The following HNRNPDL variants were observed in gnomAD, a reference collection of about 807,000 sequenced individuals.
HNRNPDL encodes heterogeneous nuclear ribonucleoprotein D-like.
Under a neutral mutation model 48.0 loss-of-function variants are expected in HNRNPDL, and 18 were observed. That is an observed-to-expected ratio of 0.38 (90% CI 0.26 to 0.56). The LOEUF (loss-of-function observed/expected upper bound fraction) is 0.56. Ranked by LOEUF, HNRNPDL falls within the 20% of genes least tolerant of loss-of-function variation. HNRNPDL has a pLI of 0.77. For missense variants in HNRNPDL, 553 were observed against 540.7 expected (o/e 1.02, Z -0.23); for synonymous variants, 306 against 207.3 (o/e 1.48, Z -4.09).
Position 82,429,743 on chromosome 4 carries a change from G to GAGAAGAGAAGAATC in HNRNPDL, c.-67_-54dup. 1 of 1,272,782 alleles carries GAGAAGAGAAGAATC rather than the reference G, an allele frequency of 7.9e-7. No homozygotes were observed. The highest frequency in any genetic ancestry group is 1.0e-6 in the Non-Finnish European group (1 of 994,870). 78.8% of individuals were successfully genotyped at this position (1,272,782 alleles called of 1,614,324 possible). A position where few individuals can be genotyped will look rare whatever the true frequency, so the allele number is the denominator to read the frequency against. On this transcript the variant is annotated 5_prime_UTR_variant, in exon 1 of 8. Transcript: ENST00000295470. ...CACGCGTGAGGGGACGCGGGCTTGGGAGAAGAGAAGAATCAGAAGAGAAAA... is the reference window on the plus strand; with the variant it reads ...CACGCGTGAGGGGACGCGGGCTTGGGAGAAGAGAAGAATCAGAAGAGAAGAATCAGAAGAGAAAA...
At chr4:82,427,118 C>T in intron 5 of HNRNPDL, 72 bp downstream of exon 5, 4 of 995,542 alleles carry the variant, frequency 4.0e-6, no homozygotes, top group Non-Finnish European at 4.8e-6. Flanking sequence ...TGCTTTGGTA[C>T]AGGACTACTC....
intron 5 of HNRNPDL, 110 bp downstream of exon 5, chr4:82,427,080 C>T (rs952810881): frequency 2.7e-5 from 22 of 807,592 alleles, no homozygotes; most frequent in East Asian, 9.8e-5. Flanking sequence ...GTCCCCCCTC[C>T]GCTGGAATGG....
chr4:82,426,628 C>A lies in HNRNPDL; in HGVS notation c.1027G>T (p.Gly343Cys). 3 of 1,613,440 alleles carry A rather than the reference C, an allele frequency of 1.9e-6. No individual in the cohort carries two copies. Among genetic ancestry groups the A allele is most frequent in the African/African-American group, 1.3e-5 (1 of 74,950 alleles). Residue 343 changes from glycine (G) to cysteine (C), a missense_variant, in exon 6 of 8, where the codon GGC (glycine) becomes TGC (cysteine). Gly to Cys is a radical substitution (Grantham distance 159). Around this residue, in one of 4 missense-constraint regions of HNRNPDL, gnomAD observed 174 missense variants for 204.6 expected, o/e 0.85. Transcript: ENST00000295470. The part of the protein sequence containing the change: ...GGTRGRGRGQ[G>C]QNWNQGFNNY... ...TTAAATCCTTGGTTCCAGTTTTGGC[C>A]CTGACCTGAAACAATGCACAATGAT...
intron 1 of HNRNPDL, 32 bp downstream of exon 1, chr4:82,429,216 G>A (rs866901696): frequency 1.2e-6 from 2 of 1,601,782 alleles, no homozygotes; most frequent in Non-Finnish European, 1.7e-6. Flanking sequence ...GCGCGCTGGG[G>A]GAGGGGGAGC....
chr4:82,425,449 C>T (rs1234320875), intron 7 of HNRNPDL: 1 of 152,534 alleles, frequency 6.6e-6, no homozygotes, highest in Non-Finnish European at 1.5e-5. Context: ...CTGTAAAAAA[C>T]CATTTAAGTT....
rs1426771716 is a variant in HNRNPDL at position 82,424,242 on chromosome 4, C to CA, written c.*663dup. ...ATTAAAGCCAAAGTAATCAGCAATT[C>CA]AAAAATGGCTTTCCAGAGACAGGAA... On this transcript the variant is annotated 3_prime_UTR_variant, in exon 8 of 8. Coordinates refer to ENST00000295470, the MANE Select transcript of HNRNPDL (RefSeq NM_031372.4). 2 of 152,142 alleles carry CA rather than the reference C, an allele frequency of 1.3e-5. No individual in the cohort carries two copies. Among genetic ancestry groups the CA allele is most frequent in the East Asian group, 3.8e-4 (2 of 5,200 alleles). 9.4% of individuals were successfully genotyped at this position (152,142 alleles called of 1,614,324 possible). A position where few individuals can be genotyped will look rare whatever the true frequency, so the allele number is the denominator to read the frequency against.
In HNRNPDL at chr4:82,429,765, A is replaced by G; in HGVS notation, c.-75T>C. 8.6e-7 allele frequency: 1 copy of G among 1,169,224 alleles called. No individual in the cohort carries two copies. The highest frequency in any genetic ancestry group is 3.1e-4 in the Middle Eastern group (1 of 3,268). The allele number at this position is 1,169,224 out of a possible 1,614,324, so 72.4% of individuals were successfully genotyped here. A position where few individuals can be genotyped will look rare whatever the true frequency, so the allele number is the denominator to read the frequency against. ...TGGGAGAAGAGAAGAATCAGAAGAG[A>G]AAAACGAAGGGGCGTAAATTCCTGG... On this transcript the variant is annotated 5_prime_UTR_variant, in exon 1 of 8. Coordinates refer to ENST00000295470, the MANE Select transcript of HNRNPDL (RefSeq NM_031372.4).
chr4:82,428,569 GTTTACA>G (rs1373702504), intron 1 of HNRNPDL, 123 bp from the exon 2 acceptor site: 5 of 757,736 alleles, frequency 6.6e-6, no homozygotes, highest in African/African-American at 1.8e-5. Flanking sequence ...TTTAATTCAT[GTTTACA>G]TTTAATCTAT....
Position 82,429,294 on chromosome 4 carries a change from C to T in HNRNPDL, c.397G>A (p.Ala133Thr), listed in dbSNP as rs1037537699. 10 of 1,613,700 alleles carry T rather than the reference C, an allele frequency of 6.2e-6. No individual in the cohort carries two copies. The Admixed American group carries it at 6.7e-5, about 11-fold the overall frequency. ...CTCGCGTTGATCTTGGATCCCTCTGCGAATTCCTCTATATTGCTGTACTCG... is the reference window on the plus strand; with the variant it reads ...CTCGCGTTGATCTTGGATCCCTCTGTGAATTCCTCTATATTGCTGTACTCG... The part of the protein sequence containing the change: ...MNEYSNIEEF[A>T]EGSKINASKN... The change falls in exon 1 of 8, where the codon GCA becomes ACA. Residue 133 changes from alanine to threonine, a missense_variant. This residue lies in a region of HNRNPDL where 327 missense variants were observed against 203.2 expected (regional missense o/e 1.61). Coordinates refer to ENST00000295470, the MANE Select transcript of HNRNPDL (RefSeq NM_031372.4).
At chr4:82,429,068 G>A (rs538718261) in intron 1 of HNRNPDL, among the ~76,000 whole-genome samples, 180 bp downstream of exon 1, 129 of 151,966 alleles carry the variant, frequency 8.5e-4, no homozygotes, top group Non-Finnish European at 1.5e-3. Context: ...CACTCTTCCC[G>A]GGTCTCTCCA....
Position 82,428,024 on chromosome 4 carries a change from A to G in HNRNPDL, c.768T>C (p.Phe256=). 1 of 1,613,856 alleles carries G rather than the reference A, an allele frequency of 6.2e-7. No homozygotes were observed. Among genetic ancestry groups the G allele is most frequent in the Admixed American group, 1.7e-5 (1 of 59,946 alleles). ...TGTAAACATAATCACACACCTCTCC[A>G]AAGGCTCCAAAATATTCTTTAATTT... ...EEQIKEYFGA[F]GEIENIELPM... The change falls in exon 3 of 8, where the codon TTT becomes TTC. Residue 256 remains phenylalanine, a synonymous_variant. Coordinates refer to ENST00000295470, the MANE Select transcript of HNRNPDL (RefSeq NM_031372.4).
At chr4:82,428,856 T>C (rs1721537506) in intron 1 of HNRNPDL, among the ~76,000 whole-genome samples, 1 of 152,236 alleles carries the variant, frequency 6.6e-6, no homozygotes, top group South Asian at 2.1e-4. Flanking sequence ...ACCAGTCGCC[T>C]GCTTGTGCCC....
rs193014392 is a variant in HNRNPDL, at chr4:82,422,969, C to T, written c.*1937G>A. The T allele has an allele frequency of 2.6e-5, 4 of 152,086 alleles. No homozygotes were observed. Among genetic ancestry groups the T allele is most frequent in the Non-Finnish European group, 5.9e-5 (4 of 67,976 alleles). The allele number at this position is 152,086 out of a possible 1,614,324, so 9.4% of individuals were successfully genotyped here. ...GATCTTGATAGTAGCTTCAGTTCAT[C>T]CAACCTAGGACACTTAGCCTTAGAG... On this transcript the variant is annotated 3_prime_UTR_variant, in exon 8 of 8. Coordinates refer to ENST00000295470, the MANE Select transcript of HNRNPDL (RefSeq NM_031372.4).
Position 82,429,205 on chromosome 4 carries a change from G to C in HNRNPDL, c.443+43C>G, listed in dbSNP as rs553185842. 562 of 1,579,362 alleles carry C rather than the reference G, an allele frequency of 3.6e-4. 13 individuals are homozygous for C. Among genetic ancestry groups the C allele is most frequent in the South Asian group, 3.6e-3 (321 of 90,338 alleles). On this transcript the variant is annotated intron_variant, in intron 1 of 7. Coordinates refer to ENST00000295470, the MANE Select transcript of HNRNPDL (RefSeq NM_031372.4). ...CTCACGAGGAACGAAGGGCGCGTGCGGCGCGCTGGGGGAGGGGGAGCGGGG... is the reference window on the plus strand; with the variant it reads ...CTCACGAGGAACGAAGGGCGCGTGCCGCGCGCTGGGGGAGGGGGAGCGGGG...
In HNRNPDL at chr4:82,422,689, T is replaced by A. The variant is rs1721230512; in HGVS notation, c.*2217A>T. On this transcript the variant is annotated 3_prime_UTR_variant, in exon 8 of 8. Transcript: ENST00000295470. The stretch of plus-strand genomic sequence containing the variant: ...GGATAACATCACACAGAATTTGGTC[T>A]GAACAATGCAAAAGGCAAATACGAT... The A allele has an allele frequency of 6.6e-6, 1 of 152,208 alleles. No individual in the cohort carries two copies. The highest frequency in any genetic ancestry group is 2.1e-4 in the South Asian group (1 of 4,832). The allele number at this position is 152,208 out of a possible 1,614,324, so 9.4% of individuals were successfully genotyped here.
Position 82,426,510 on chromosome 4 carries a change from T to C in HNRNPDL, c.1145A>G (p.Tyr382Cys), listed in dbSNP as rs1432224840. Residue 382 changes from tyrosine to cysteine, a missense_variant, in exon 6 of 8, where the codon TAT becomes TGT. Transcript: ENST00000295470. ...SGYGGYDYTG[Y>C]NYGNYGYGQG... ...TCCATATCCATAGTTCCCATAGTTA[T>C]ACCCAGTATAATCATATCCGCCATA... is the stretch of plus-strand genomic sequence containing the variant. 5.6e-6 allele frequency: 9 copies of C among 1,612,770 alleles called. No homozygotes were observed. The highest frequency in any genetic ancestry group is 2.7e-5 in the African/African-American group (2 of 74,924).
Position 82,426,495 on chromosome 4 carries a change from T to C in HNRNPDL, c.1160A>G (p.Tyr387Cys). ...GTCTGCATATCCCTGTCCATATCCA[T>C]AGTTCCCATAGTTATACCCAGTATA... ...YDYTGYNYGNYGYGQGYADYS... is the reference protein window; with the variant it reads ...YDYTGYNYGNCGYGQGYADYS... Residue 387 changes from tyrosine to cysteine, a missense_variant, in exon 6 of 8, where the codon TAT (tyrosine) becomes TGT (cysteine). This residue lies in a region of HNRNPDL where 174 missense variants were observed against 204.6 expected (regional missense o/e 0.85). Coordinates refer to ENST00000295470, the MANE Select transcript of HNRNPDL (RefSeq NM_031372.4). 3 of 1,612,614 alleles carry C rather than the reference T, an allele frequency of 1.9e-6. No homozygotes were observed. Among genetic ancestry groups the C allele is most frequent in the Non-Finnish European group, 8.5e-7 (1 of 1,178,812 alleles).
At chr4:82,425,285 G>A (rs961238753) in intron 7 of HNRNPDL, 3 of 152,102 alleles carry the variant, frequency 2.0e-5, no homozygotes, top group Non-Finnish European at 4.4e-5. Context: ...TCTTGTTTTG[G>A]TTTGTAGATT....
chr4:82,423,346 T>C lies in HNRNPDL; in HGVS notation c.*1560A>G, dbSNP rs1200732261. 1 of 152,176 alleles carries C rather than the reference T, an allele frequency of 6.6e-6. No homozygotes were observed. 9.4% of individuals were successfully genotyped at this position (152,176 alleles called of 1,614,324 possible). On this transcript the variant is annotated 3_prime_UTR_variant, in exon 8 of 8. Coordinates refer to ENST00000295470, the MANE Select transcript of HNRNPDL (RefSeq NM_031372.4). ...ACCTACTGACAACACAACTTAAAAA[T>C]GAACTTACTTCCATTCCCTAAAGTT...
Sources: allele counts gnomAD v4.1 joint callset (sites outside exome capture counted in the v4.1 genomes callset), GRCh38; gene constraint gnomAD v4.1.1; regional missense constraint gnomAD v4.1.1; transcripts MANE v1.5; gene names NCBI Gene and HGNC (gene_info 2026-07-23, HGNC 2026-07-21).